DIPK1B: variants seen among roughly 807,000 people sequenced by gnomAD.
DIPK1B encodes the protein divergent protein kinase domain 1B, also known as family with sequence similarity 69 member B.
DIPK1B carries 17 observed loss-of-function variants against 20.7 expected under a neutral mutation model. The ratio of observed to expected loss-of-function variants is 0.82; its 90% CI spans 0.56 to 1.23. The LOEUF (loss-of-function observed/expected upper bound fraction) is 1.23. Ranked by LOEUF, DIPK1B falls within the 50% of genes most tolerant of loss-of-function variation. The pLI, the probability that DIPK1B is intolerant of heterozygous loss-of-function variation, is 0.00. For missense variants in DIPK1B, 648 were observed against 601.8 expected (o/e 1.08, Z -0.80); for synonymous variants, 343 against 276.5 (o/e 1.24, Z -2.39).
Position 136,724,110 on chromosome 9 carries a change from C to G in DIPK1B, c.*336C>G. On this transcript the variant is annotated 3_prime_UTR_variant, in exon 5 of 5. Coordinates refer to ENST00000371692, the MANE Select transcript of DIPK1B (RefSeq NM_152421.4). Reference sequence around the variant, plus strand: ...CCCTTCGCCCCGCTGTGGATCCACCCAGCCCAGGCACTCAGGCTGGGGTTG... The same window carrying G: ...CCCTTCGCCCCGCTGTGGATCCACCGAGCCCAGGCACTCAGGCTGGGGTTG... The G allele has an allele frequency of 1.9e-5, 6 of 310,902 alleles. No individual in the cohort carries two copies. The highest frequency in any genetic ancestry group is 9.7e-5 in the East Asian group (1 of 10,278). 19.3% of individuals were successfully genotyped at this position (310,902 alleles called of 1,614,324 possible).
At position 136,722,990 on chromosome 9, in the gene DIPK1B, C is replaced by A. The variant is rs140488435; in HGVS notation, c.512C>A (p.Pro171Gln). ...KANLGDLPSL[P>Q]ALVGQVLLMA... ...AACCTGGGAGACCTGCCTTCCCTGCCGGCGCTGGTTGGCCAGGTCCTGCTC... is the reference window on the plus strand; with the variant it reads ...AACCTGGGAGACCTGCCTTCCCTGCAGGCGCTGGTTGGCCAGGTCCTGCTC... The change falls in exon 5 of 5, where the codon CCG becomes CAG. Residue 171 changes from proline to glutamine, a missense_variant. By Grantham distance (76) the Pro-to-Gln change is moderately conservative. Coordinates refer to ENST00000371692, the MANE Select transcript of DIPK1B (RefSeq NM_152421.4). 3 of 1,608,498 alleles carry A rather than the reference C, an allele frequency of 1.9e-6. No individual in the cohort carries two copies. Among genetic ancestry groups the A allele is most frequent in the Non-Finnish European group, 1.7e-6 (2 of 1,176,128 alleles).
chr9:136,724,513 C>A lies in DIPK1B; in HGVS notation c.*739C>A, dbSNP rs552190287. ...CATCCCCTAGGAGAACAGGCAAGGACCCTCGTGGGAAGATCCCACCACAGC... is the reference window on the plus strand; with the variant it reads ...CATCCCCTAGGAGAACAGGCAAGGAACCTCGTGGGAAGATCCCACCACAGC... On this transcript the variant is annotated 3_prime_UTR_variant, in exon 5 of 5. Transcript: ENST00000371692. 2.0e-5 allele frequency: 3 copies of A among 152,496 alleles called. No homozygotes were observed. The highest frequency in any genetic ancestry group is 7.2e-5 in the African/African-American group (3 of 41,578). 9.4% of individuals were successfully genotyped at this position (152,496 alleles called of 1,614,324 possible). A position where few individuals can be genotyped will look rare whatever the true frequency, so the allele number is the denominator to read the frequency against.
chr9:136,723,985 A>C lies in DIPK1B; in HGVS notation c.*211A>C. On this transcript the variant is annotated 3_prime_UTR_variant, in exon 5 of 5. Transcript: ENST00000371692. ...GGACATCCCGGCAGGAGAGTCCTCC[A>C]AGGGGGTTTGTTACTCTGAAGAACG... 1 of 600,900 alleles carries C rather than the reference A, an allele frequency of 1.7e-6. No homozygotes were observed. The highest frequency in any genetic ancestry group is 2.9e-6 in the Non-Finnish European group (1 of 340,644). The allele number at this position is 600,900 out of a possible 1,614,324, so 37.2% of individuals were successfully genotyped here. A position where few individuals can be genotyped will look rare whatever the true frequency, so the allele number is the denominator to read the frequency against.
Position 136,723,610 on chromosome 9 carries a change from C to A in DIPK1B, c.1132C>A (p.Leu378Met). The A allele has an allele frequency of 6.3e-7, 1 of 1,585,814 alleles. No homozygotes were observed. Among genetic ancestry groups the A allele is most frequent in the Admixed American group, 1.8e-5 (1 of 56,154 alleles). Residue 378 changes from leucine to methionine, a missense_variant, in exon 5 of 5, where the codon CTG (leucine) becomes ATG (methionine). By Grantham distance (15) the Leu-to-Met change is conservative (BLOSUM62 2). Coordinates refer to ENST00000371692, the MANE Select transcript of DIPK1B (RefSeq NM_152421.4). ...GTGCGCACTGCTACGGGGCTACCTGCTGCCTGGCGCGCCCGCCGACCTCCG... is the reference window on the plus strand; with the variant it reads ...GTGCGCACTGCTACGGGGCTACCTGATGCCTGGCGCGCCCGCCGACCTCCG... ...KVCALLRGYL[L>M]PGAPADLREE...
chr9:136,720,128 T>G (rs2131045050), intron 2 of DIPK1B, among the ~76,000 whole-genome samples: 1 of 152,188 alleles, frequency 6.6e-6, no homozygotes, highest in Admixed American at 6.5e-5. Context: ...GGGAGCTGGC[T>G]GGTCTGGGGA....
At position 136,723,353 on chromosome 9, in the gene DIPK1B, C is replaced by T. The variant is rs747789253; in HGVS notation, c.875C>T (p.Thr292Ile). 1 of 1,613,258 alleles carries T rather than the reference C, an allele frequency of 6.2e-7. No individual in the cohort carries two copies. The highest frequency in any genetic ancestry group is 8.5e-7 in the Non-Finnish European group (1 of 1,179,868). ...VEELFHGSYG[T>I]FYMCETTLAN... ...GAGCTCTTCCACGGCTCTTACGGGA[C>T]TTTCTACATGTGTGAGACCACACTG... Residue 292 changes from threonine (T) to isoleucine (I), a missense_variant, in exon 5 of 5, where the codon ACT becomes ATT. By Grantham distance (89) the Thr-to-Ile change is moderately conservative. Transcript: ENST00000371692.
chr9:136,723,501 C>T lies in DIPK1B; in HGVS notation c.1023C>T (p.Thr341=), dbSNP rs1299230611. ...GRRCEHSTDC[T]YGRDCRAPCD... is the part of the protein sequence containing the mutation. ...GCTGCGAGCACAGCACCGACTGCAC[C>T]TACGGGCGCGACTGCAGGGCCCCGT... Residue 341 remains threonine (T), a synonymous_variant, in exon 5 of 5, where the codon ACC becomes ACT. Coordinates refer to ENST00000371692, the MANE Select transcript of DIPK1B (RefSeq NM_152421.4). 2 of 1,606,318 alleles carry T rather than the reference C, an allele frequency of 1.2e-6. No homozygotes were observed. Among genetic ancestry groups the T allele is most frequent in the South Asian group, 2.2e-5 (2 of 90,276 alleles).
intron 2 of DIPK1B, among the ~76,000 whole-genome samples, chr9:136,718,737 G>A (rs1336925860): frequency 2.0e-5 from 3 of 152,204 alleles, no homozygotes; most frequent in East Asian, 1.9e-4. Context: ...TGTCTCCTCC[G>A]TCAGATGGGG....
intron 4 of DIPK1B, 134 bp downstream of exon 4, chr9:136,722,435 C>A: frequency 1.9e-6 from 2 of 1,063,580 alleles, no homozygotes; most frequent in South Asian, 3.2e-5. Flanking sequence ...ACCTCCCATC[C>A]CCCAGCCCCT....
chr9:136,722,205 G>A lies in DIPK1B; in HGVS notation c.387G>A (p.Ser129=), dbSNP rs139435488. Residue 129 remains serine (S), a synonymous_variant, in exon 4 of 5, where the codon TCG becomes TCA. Transcript: ENST00000371692. ...IEETLDSKAR[S]DAAPRRELVL... is the part of the protein sequence containing the mutation. ...AGACCCTCGACTCCAAGGCCCGGTC[G>A]GATGCGGCCCCCCGGCGGGAGCTGG... 6.3e-5 allele frequency: 102 copies of A among 1,613,896 alleles called. No homozygotes were observed. Among genetic ancestry groups the A allele is most frequent in the Non-Finnish European group, 7.7e-5 (91 of 1,180,006 alleles).
At position 136,717,600 on chromosome 9, in the gene DIPK1B, C is replaced by A. The variant is rs768497308; in HGVS notation, c.87C>A (p.Val29=). ...AGGGCCGGCTCCCAGGCCTCAGGGT[C>A]CGCTGCATCTTCCTGGCCTGGCTGG... ...RLQGRLPGLR[V]RCIFLAWLGV... The change falls in exon 2 of 5, where the codon GTC becomes GTA. Residue 29 remains valine (V), a synonymous_variant. Transcript: ENST00000371692. The A allele has an allele frequency of 7.6e-5, 121 of 1,601,082 alleles. No individual in the cohort carries two copies. Among genetic ancestry groups the A allele is most frequent in the Middle Eastern group, 3.3e-4 (2 of 6,082 alleles).
intron 2 of DIPK1B, among the ~76,000 whole-genome samples, chr9:136,719,771 G>A (rs115499326): frequency 6.6e-6 from 1 of 152,234 alleles, no homozygotes; most frequent in Admixed American, 6.5e-5. Flanking sequence ...CAGCCTGGCA[G>A]ACAGCAGTGT....
intron 2 of DIPK1B, among the ~76,000 whole-genome samples, chr9:136,720,479 C>G (rs546538476): frequency 1.1e-3 from 175 of 152,268 alleles, no homozygotes; most frequent in African/African-American, 3.7e-3. Context: ...CTCCCCCCCC[C>G]AGAGGGGCGG....
intron 1 of DIPK1B, among the ~76,000 whole-genome samples, chr9:136,717,193 C>A (rs1025332987): frequency 6.6e-6 from 1 of 151,294 alleles, no homozygotes; most frequent in Non-Finnish European, 1.5e-5. Flanking sequence ...CGCGCCACTG[C>A]ACTCCAGCCT....
chr9:136,717,406 G>T (rs149421306), intron 1 of DIPK1B, among the ~76,000 whole-genome samples, 171 bp from the exon 2 acceptor site: 221 of 152,304 alleles, frequency 1.5e-3, no homozygotes, highest in African/African-American at 5.1e-3. Flanking sequence ...CCAGGAGTGG[G>T]TGTCGCTGAG....
In DIPK1B at chr9:136,722,379, A is replaced by AT. The variant is rs1454948391; in HGVS notation, c.483+79dup. 2.7e-6 allele frequency: 4 copies of AT among 1,480,080 alleles called. No homozygotes were observed. The African/African-American group carries it at 5.5e-5, about 20-fold the overall frequency. 91.7% of individuals were successfully genotyped at this position (1,480,080 alleles called of 1,614,324 possible). The stretch of plus-strand genomic sequence containing the variant: ...CCCAGCAGGCGGCCCTGGCACCAAC[A>AT]TGCCCAGCGCAAAGGCACAGATGGG... On this transcript the variant is annotated intron_variant, in intron 4 of 4. Coordinates refer to ENST00000371692, the MANE Select transcript of DIPK1B (RefSeq NM_152421.4).
chr9:136,723,237 G>A lies in DIPK1B; in HGVS notation c.759G>A (p.Pro253=), dbSNP rs758516492. 47 of 1,612,010 alleles carry A rather than the reference G, an allele frequency of 2.9e-5. No individual in the cohort carries two copies. Among genetic ancestry groups the A allele is most frequent in the Middle Eastern group, 1.6e-4 (1 of 6,080 alleles). The change falls in exon 5 of 5, where the codon CCG becomes CCA. Residue 253 remains proline, a synonymous_variant. Transcript: ENST00000371692. ...CACCCCTGTTGCGCCCACTGCTGCC[G>A]CCTGCCCTGCAGGGTGCTCTCCAGC... ...ALPPLLRPLL[P]PALQGALQQW... is the part of the protein sequence containing the mutation.
At chr9:136,718,383 T>G (rs1310190067) in intron 2 of DIPK1B, among the ~76,000 whole-genome samples, 1 of 152,150 alleles carries the variant, frequency 6.6e-6, no homozygotes, top group Non-Finnish European at 1.5e-5. Context: ...AGCCTCCACC[T>G]CAGGGAGATA....
chr9:136,722,223 G>A lies in DIPK1B; in HGVS notation c.405G>A (p.Arg135=), dbSNP rs1396585582. The A allele has an allele frequency of 1.2e-6, 2 of 1,614,012 alleles. No individual in the cohort carries two copies. Among genetic ancestry groups the A allele is most frequent in the Non-Finnish European group, 1.7e-6 (2 of 1,180,018 alleles). ...CCCGGTCGGATGCGGCCCCCCGGCG[G>A]GAGCTGGTACTGTTTGACAAGCCCA... The part of the protein sequence containing the change: ...SKARSDAAPR[R]ELVLFDKPTR... The change falls in exon 4 of 5, where the codon CGG becomes CGA. Residue 135 remains arginine (R), a synonymous_variant. Coordinates refer to ENST00000371692, the MANE Select transcript of DIPK1B (RefSeq NM_152421.4).
Sources: allele counts gnomAD v4.1 joint callset (sites outside exome capture counted in the v4.1 genomes callset), GRCh38; gene constraint gnomAD v4.1.1; transcripts MANE v1.5; gene names NCBI Gene and HGNC (gene_info 2026-07-23, HGNC 2026-07-21).